Variants in PDE4B observed in about 807,000 individuals in gnomAD.
The protein encoded by PDE4B is phosphodiesterase 4B.
Under a neutral mutation model 82.2 loss-of-function variants are expected in PDE4B, and 20 were observed. The ratio of observed to expected loss-of-function variants is 0.24; its 90% CI spans 0.17 to 0.35. PDE4B has a LOEUF of 0.35. Among genes scored for constraint, PDE4B ranks in the 10% least tolerant of loss-of-function variants. The probability of loss-of-function intolerance (pLI) is 1.00; values close to 1 mark genes in which losing one functional copy is unlikely to be tolerated. For synonymous variants in PDE4B, 320 were observed against 318.9 expected, an observed-to-expected ratio of 1.00 and a Z score of -0.04; for missense variants, 655 against 907.2, an observed-to-expected ratio of 0.72 and a Z score of 3.57.
At chr1:66,214,235 A>G (rs1020140190) in intron 3 of PDE4B, among the ~76,000 whole-genome samples, 1 of 152,232 alleles carries the variant, frequency 6.6e-6, no homozygotes. Flanking sequence ...ATCTGGGATT[A>G]GTACTATTTA....
At chr1:66,354,253 G>C (rs1285140037) in intron 8 of PDE4B, 1 of 236,680 alleles carries the variant, frequency 4.2e-6, no homozygotes, top group African/African-American at 2.3e-5. Context: ...AGAGCGGCTG[G>C]ATTTTTGTGC....
chr1:66,026,311 T>C lies in PDE4B; in HGVS notation c.281+107476T>C, dbSNP rs538246106. 9.2e-5 allele frequency among the ~76,000 whole-genome samples: 14 copies of C among 152,292 alleles called. 1 individual carries two copies. The South Asian group carries it at 2.7e-3, about 29-fold the overall frequency. ...TTAGTCTCACTCAGAATAAAACTTA[T>C]ACTAGACTTTTCATGTCAATGGTCC... On this transcript the variant is annotated intron_variant, in intron 3 of 16. Transcript: ENST00000341517.
intron 3 of PDE4B, among the ~76,000 whole-genome samples, chr1:65,919,828 T>C (rs1431464814): frequency 2.0e-5 from 3 of 152,190 alleles, no homozygotes; most frequent in Non-Finnish European, 2.9e-5. Flanking sequence ...TACGGCATCT[T>C]GACATCCTTT....
intron 3 of PDE4B, among the ~76,000 whole-genome samples, chr1:66,209,939 G>C (rs776086320): frequency 2.4e-4 from 37 of 152,202 alleles, no homozygotes; most frequent in Admixed American, 4.6e-4. Context: ...ATGTGTATAT[G>C]GTTGTTTCTA....
At chr1:66,178,692 G>A (rs905138572) in intron 3 of PDE4B, among the ~76,000 whole-genome samples, 7 of 152,156 alleles carry the variant, frequency 4.6e-5, no homozygotes, top group Non-Finnish European at 1.0e-4. Flanking sequence ...CATGGTATGG[G>A]CAAGGAGGAC....
At chr1:66,243,795 CAGGGAT>C (rs1653079070) in intron 3 of PDE4B, among the ~76,000 whole-genome samples, 1 of 152,050 alleles carries the variant, frequency 6.6e-6, no homozygotes, top group African/African-American at 2.4e-5. Context: ...TGATTCAGTC[CAGGGAT>C]ATTGGCAGAG....
At chr1:66,004,627 T>A (rs1652046151) in intron 3 of PDE4B, among the ~76,000 whole-genome samples, 1 of 152,124 alleles carries the variant, frequency 6.6e-6, no homozygotes, top group South Asian at 2.1e-4. Context: ...CACTGTTTTT[T>A]TTAAGTTAAC....
rs1364248272 is a variant in PDE4B, at chr1:66,031,148, C to CA, written c.281+112320dup. 2.6e-5 allele frequency among the ~76,000 whole-genome samples: 4 copies of CA among 152,046 alleles called. No homozygotes were observed. In the East Asian group the frequency reaches 5.8e-4, roughly 22 times the overall value. On this transcript the variant is annotated intron_variant, in intron 3 of 16. Transcript: ENST00000341517. Reference sequence around the variant, plus strand: ...ATTAATAAAAATAAAATAAATTGTACAAAAAAACCCTTGGACTTCTAATGC... The same window carrying CA: ...ATTAATAAAAATAAAATAAATTGTACAAAAAAAACCCTTGGACTTCTAATGC...
At chr1:65,954,150 G>T (rs1423434120) in intron 3 of PDE4B, among the ~76,000 whole-genome samples, 3 of 152,056 alleles carry the variant, frequency 2.0e-5, no homozygotes, top group Non-Finnish European at 2.9e-5. Context: ...ACCTGCCTTG[G>T]CCTCCCAAAA....
chr1:66,314,090 A>G (rs1658855799), intron 7 of PDE4B, among the ~76,000 whole-genome samples: 1 of 152,154 alleles, frequency 6.6e-6, no homozygotes, highest in Non-Finnish European at 1.5e-5. Context: ...CCAGTCCTCC[A>G]TATCCCATCC....
intron 3 of PDE4B, among the ~76,000 whole-genome samples, chr1:66,222,630 G>C (rs1651084958): frequency 6.6e-6 from 1 of 152,186 alleles, no homozygotes. Flanking sequence ...CTGACTAGCT[G>C]TATCATCTTG....
chr1:65,986,991 A>C (rs950043503), intron 3 of PDE4B, among the ~76,000 whole-genome samples: 2 of 152,166 alleles, frequency 1.3e-5, no homozygotes, highest in Non-Finnish European at 2.9e-5. Context: ...TTCTGTGAAC[A>C]AAAAGGAGGC....
At chr1:65,872,931 A>G (rs1646591198) in intron 1 of PDE4B, among the ~76,000 whole-genome samples, 1 of 152,168 alleles carries the variant, frequency 6.6e-6, no homozygotes, top group Non-Finnish European at 1.5e-5. Context: ...TGATTTATTC[A>G]ATGACCTGCA....
chr1:66,275,404 C>T (rs952818948), intron 7 of PDE4B, among the ~76,000 whole-genome samples: 1 of 152,138 alleles, frequency 6.6e-6, no homozygotes, highest in African/African-American at 2.4e-5. Context: ...GCAGAGTCTG[C>T]AGGAAGGGAA....
At chr1:66,195,819 T>C (rs7525319) in intron 3 of PDE4B, among the ~76,000 whole-genome samples, 6 of 151,590 alleles carry the variant, frequency 4.0e-5, no homozygotes, top group South Asian at 2.1e-4. Flanking sequence ...CCAATGTATA[T>C]GAGACCCCTG....
chr1:66,344,284 AG>A, intron 8 of PDE4B, among the ~76,000 whole-genome samples: 1 of 152,200 alleles, frequency 6.6e-6, no homozygotes, highest in East Asian at 1.9e-4. Context: ...TTTAACACTC[AG>A]GAACTGGTTG....
rs142334864 is a variant in PDE4B, at chr1:65,980,059, A to G, written c.281+61224A>G. 8.0e-4 allele frequency among the ~76,000 whole-genome samples: 122 copies of G among 152,302 alleles called. 1 individual carries two copies. The highest frequency in any genetic ancestry group is 2.6e-3 in the African/African-American group (109 of 41,578). On this transcript the variant is annotated intron_variant, in intron 3 of 16. Coordinates refer to ENST00000341517, the MANE Select transcript of PDE4B (RefSeq NM_002600.4). Reference sequence around the variant, plus strand: ...AGCTTTCCAGAAAGAGGTAAAAGCAAACAGATCCTGAAGTGAGTGTGAGTC... The same window carrying G: ...AGCTTTCCAGAAAGAGGTAAAAGCAGACAGATCCTGAAGTGAGTGTGAGTC...
Position 66,315,559 on chromosome 1 carries a change from G to A in PDE4B, c.635-16949G>A, listed in dbSNP as rs968067989. Among the ~76,000 whole-genome samples the A allele has an allele frequency of 4.6e-5, 7 of 152,210 alleles. No individual in the cohort carries two copies. In the South Asian group the frequency reaches 6.2e-4, roughly 14 times the overall value. Reference sequence around the variant, plus strand: ...CAACCTCCGCCTCGTGGGTTCAAGCGATGCTCCTGCCTCAGCCTCCTGAGT... The same window carrying A: ...CAACCTCCGCCTCGTGGGTTCAAGCAATGCTCCTGCCTCAGCCTCCTGAGT... On this transcript the variant is annotated intron_variant, in intron 7 of 16. Transcript: ENST00000341517.
chr1:66,241,527 G>T (rs564555590), intron 3 of PDE4B, among the ~76,000 whole-genome samples: 2 of 151,626 alleles, frequency 1.3e-5, no homozygotes, highest in East Asian at 3.9e-4. Flanking sequence ...CTTTTTGTGA[G>T]ACTGAGTCTC....
Sources: gnomAD v4.1 joint callset for allele counts (sites outside exome capture counted in the v4.1 genomes callset) on GRCh38, gnomAD v4.1.1 for gene constraint, MANE v1.5 for transcripts, NCBI Gene and HGNC (gene_info 2026-07-23, HGNC 2026-07-21) for gene names.